The following SRGAP1 variants were observed in gnomAD, a reference collection of about 807,000 sequenced individuals.
The protein encoded by SRGAP1 is SLIT-ROBO Rho GTPase activating protein 1, also known as SLIT-ROBO Rho GTPase-activating protein 1.
A neutral mutation model predicts 121.9 loss-of-function variants in SRGAP1; 43 were observed. The observed-to-expected ratio is 0.35, with a 90% confidence interval of 0.28 to 0.46. The LOEUF (loss-of-function observed/expected upper bound fraction) is 0.46. SRGAP1 is among the 20% of genes least tolerant of loss of function. The pLI, the probability that SRGAP1 is intolerant of heterozygous loss-of-function variation, is 1.00. For synonymous variants in SRGAP1, 447 were observed against 485.4 expected (o/e 0.92, Z 1.04); for missense variants, 1,102 against 1,350.9 (o/e 0.82, Z 2.89).
At chr12:64,087,979 C>T (rs183341234) in intron 11 of SRGAP1, among the ~76,000 whole-genome samples, 13 of 152,242 alleles carry the variant, frequency 8.5e-5, no homozygotes, top group Non-Finnish European at 1.5e-4. Flanking sequence ...TTTTCTATGT[C>T]ACCATTTGTG....
intron 1 of SRGAP1, among the ~76,000 whole-genome samples, chr12:63,868,942 T>C (rs1355409134): frequency 1.3e-5 from 2 of 152,238 alleles, no homozygotes; most frequent in African/African-American, 4.8e-5. Context: ...TAGATTGCTC[T>C]ACCATTAACC....
In SRGAP1 at chr12:64,016,943, AT is replaced by A; in HGVS notation, c.427-5del. On this transcript the variant is annotated splice_region_variant and splice_polypyrimidine_tract_variant and intron_variant, in intron 3 of 21. Coordinates refer to ENST00000355086, the MANE Select transcript of SRGAP1 (RefSeq NM_020762.4). Reference sequence around the variant, plus strand: ...TTAAAATATTCTTTTTTATTTTCTAATTACAGAGCAAAGAGATTGCATTCCA... The same window carrying A: ...TTAAAATATTCTTTTTTATTTTCTAATACAGAGCAAAGAGATTGCATTCCA... 1 of 1,462,158 alleles carries A rather than the reference AT, an allele frequency of 6.8e-7. No individual in the cohort carries two copies. Among genetic ancestry groups the A allele is most frequent in the Non-Finnish European group, 9.4e-7 (1 of 1,064,088 alleles). The allele number at this position is 1,462,158 out of a possible 1,614,324, so 90.6% of individuals were successfully genotyped here. A position where few individuals can be genotyped will look rare whatever the true frequency, so the allele number is the denominator to read the frequency against.
rs867397956 is a variant in SRGAP1, at chr12:64,147,029, C to T, written c.*4357C>T. On this transcript the variant is annotated 3_prime_UTR_variant, in exon 22 of 22. Transcript: ENST00000355086. The stretch of plus-strand genomic sequence containing the variant: ...CTTTAGTAAAAGAAAATATATGAAC[C>T]GTGCATTTGTGAATGCCCCCCTTAG... The T allele has an allele frequency of 6.5e-6, 1 of 153,762 alleles. No homozygotes were observed. Among genetic ancestry groups the T allele is most frequent in the Non-Finnish European group, 1.4e-5 (1 of 69,348 alleles). 9.5% of individuals were successfully genotyped at this position (153,762 alleles called of 1,614,324 possible).
intron 21 of SRGAP1, among the ~76,000 whole-genome samples, chr12:64,132,997 A>G (rs1221281012): frequency 1.6e-4 from 24 of 152,200 alleles, no homozygotes; most frequent in African/African-American, 5.6e-4. Flanking sequence ...AAGCAATGAA[A>G]CCACATCTGG....
intron 1 of SRGAP1, among the ~76,000 whole-genome samples, chr12:63,947,402 T>C (rs1008584713): frequency 6.6e-6 from 1 of 152,238 alleles, no homozygotes; most frequent in Non-Finnish European, 1.5e-5. Flanking sequence ...AATTTTTCTC[T>C]TATGTTTTCT....
intron 21 of SRGAP1, among the ~76,000 whole-genome samples, chr12:64,136,128 A>G (rs1310213378): frequency 6.6e-6 from 1 of 152,190 alleles, no homozygotes; most frequent in Non-Finnish European, 1.5e-5. Flanking sequence ...ACTAACTCCA[A>G]TGTTAATGTC....
At chr12:63,925,404 A>G (rs1273963708) in intron 1 of SRGAP1, among the ~76,000 whole-genome samples, 1 of 152,208 alleles carries the variant, frequency 6.6e-6, no homozygotes, top group Non-Finnish European at 1.5e-5. Flanking sequence ...TTTGAGGAAA[A>G]TTGTTAATAG....
chr12:63,869,213 A>G (rs1463395074), intron 1 of SRGAP1, among the ~76,000 whole-genome samples: 1 of 152,224 alleles, frequency 6.6e-6, no homozygotes, highest in African/African-American at 2.4e-5. Context: ...AAGGTCTGGC[A>G]TCTGATGAGG....
In SRGAP1 at chr12:64,091,373, G is replaced by A. The variant is rs74691643; in HGVS notation, c.1534G>A (p.Val512Ile). 30,365 of 1,602,822 alleles carry A rather than the reference G, an allele frequency of 0.019. 616 individuals are homozygous for A. The highest frequency in any genetic ancestry group is 0.077 in the South Asian group (6,829 of 88,662). ...KLFNGDLETF[V>I]KDSGQVIPLI... is the part of the protein sequence containing the mutation. ...GTTTAATGGGGATTTGGAAACATTC[G>A]TCAAGGTACTGGCACCAGCCATCTG... The change falls in exon 12 of 22, where the codon GTC (valine) becomes ATC (isoleucine). Residue 512 changes from valine to isoleucine, a missense_variant. Physicochemically the swap from Val to Ile is conservative, Grantham distance 29. Transcript: ENST00000355086.
At chr12:64,092,641 T>C (rs2036076041) in intron 12 of SRGAP1, among the ~76,000 whole-genome samples, 1 of 152,182 alleles carries the variant, frequency 6.6e-6, no homozygotes, top group African/African-American at 2.4e-5. Context: ...CCTTATTGGC[T>C]CTAATTTAAT....
intron 14 of SRGAP1, among the ~76,000 whole-genome samples, chr12:64,095,641 G>T (rs370688883): frequency 6.6e-6 from 1 of 152,076 alleles, no homozygotes; most frequent in African/African-American, 2.4e-5. Context: ...CCTTATGCTT[G>T]TTCATAATTG....
intron 15 of SRGAP1, among the ~76,000 whole-genome samples, chr12:64,102,724 A>G (rs1223714950): frequency 6.6e-6 from 1 of 152,190 alleles, no homozygotes; most frequent in Admixed American, 6.5e-5. Context: ...AGGATCATCC[A>G]TGTTACAGTA....
At chr12:63,983,795 AAAATATATATATATATATAT>A (rs2033319810) in intron 1 of SRGAP1, 132 bp from the exon 2 acceptor site, 16 of 114,892 alleles carry the variant, frequency 1.4e-4, no homozygotes, top group Non-Finnish European at 2.0e-4. Context: ...AAATACATTT[AAAATATATATATATATATAT>A]ATATATATAT....
intron 8 of SRGAP1, among the ~76,000 whole-genome samples, chr12:64,065,578 T>A (rs988007871): frequency 6.6e-6 from 1 of 152,198 alleles, no homozygotes; most frequent in Non-Finnish European, 1.5e-5. Context: ...TAACTTATTT[T>A]AAAAAATATT....
intron 1 of SRGAP1, among the ~76,000 whole-genome samples, chr12:63,920,800 A>G (rs941777374): frequency 6.6e-6 from 1 of 152,190 alleles, no homozygotes; most frequent in Non-Finnish European, 1.5e-5. Flanking sequence ...TAAGGATAAT[A>G]TCCTGGTTTG....
intron 1 of SRGAP1, among the ~76,000 whole-genome samples, chr12:63,856,828 A>G (rs1056068026): frequency 6.6e-6 from 1 of 152,196 alleles, no homozygotes; most frequent in African/African-American, 2.4e-5. Flanking sequence ...CATTGAAAAC[A>G]CATTGGCATT....
At chr12:64,079,289 GAGTT>G (rs550656415) in intron 9 of SRGAP1, among the ~76,000 whole-genome samples, 173 bp downstream of exon 9, 92 of 152,116 alleles carry the variant, frequency 6.0e-4, no homozygotes, top group South Asian at 5.6e-3. Context: ...AGTTATTTAG[GAGTT>G]AGTTAGTTAG....
intron 9 of SRGAP1, 39 bp from the exon 10 acceptor site, chr12:64,080,243 CAAAA>C: frequency 7.9e-7 from 1 of 1,264,556 alleles, no homozygotes. Flanking sequence ...AACTCTGTCT[CAAAA>C]AAAAAAAAAG....
At chr12:64,021,977 A>G (rs1673791442) in intron 4 of SRGAP1, among the ~76,000 whole-genome samples, 1 of 152,238 alleles carries the variant, frequency 6.6e-6, no homozygotes. Flanking sequence ...AGTAGGGTTA[A>G]GAAACCAGGG....
Sources: gnomAD v4.1 joint callset for allele counts (sites outside exome capture counted in the v4.1 genomes callset) on GRCh38, gnomAD v4.1.1 for gene constraint, MANE v1.5 for transcripts, NCBI Gene and HGNC (gene_info 2026-07-23, HGNC 2026-07-21) for gene names.